Variants in UXS1 observed in about 807,000 individuals in gnomAD.
The protein encoded by UXS1 is UDP-glucuronic acid decarboxylase 1.
In UXS1, 33 loss-of-function variants were observed where a neutral mutation model predicts 62.6. The ratio of observed to expected loss-of-function variants is 0.53; its 90% CI spans 0.40 to 0.70. The LOEUF is 0.70. UXS1 is among the 30% of genes least tolerant of loss of function. UXS1 has a pLI of 0.00. For synonymous variants in UXS1, 213 were observed against 206.8 expected (o/e 1.03, Z -0.26); for missense variants, 434 against 556.3 (o/e 0.78, Z 2.21).
At chr2:106,183,817 T>C (rs1300252095) in intron 1 of UXS1, 1 of 152,206 alleles carries the variant, frequency 6.6e-6, no homozygotes, top group Admixed American at 6.5e-5. Context: ...GTATTTTCAT[T>C]TTACAAATGG....
intron 1 of UXS1, among the ~76,000 whole-genome samples, chr2:106,174,068 A>G (rs1488408430): frequency 1.8e-5 from 2 of 109,828 alleles, no homozygotes; most frequent in African/African-American, 7.1e-5. Context: ...GGAGAAGGAG[A>G]TTCTGGTGGA....
chr2:106,118,564 C>G (rs927437821), intron 9 of UXS1, among the ~76,000 whole-genome samples: 1 of 152,118 alleles, frequency 6.6e-6, no homozygotes, highest in African/African-American at 2.4e-5. Flanking sequence ...TTAATTCCTC[C>G]CTGGCAAGTT....
intron 7 of UXS1, among the ~76,000 whole-genome samples, chr2:106,127,854 CT>C (rs1680091929): frequency 6.6e-6 from 1 of 152,214 alleles, no homozygotes; most frequent in Non-Finnish European, 1.5e-5. Flanking sequence ...TCAGTCATAG[CT>C]CAAGCCCTAG....
intron 6 of UXS1, chr2:106,138,984 T>A (rs2104973061): frequency 1.8e-6 from 1 of 541,564 alleles, no homozygotes; most frequent in South Asian, 8.0e-5. Context: ...TAACCAGCAA[T>A]GAGAGGTGCT....
chr2:106,121,419 G>A (rs1324017066), intron 9 of UXS1, among the ~76,000 whole-genome samples: 1 of 152,146 alleles, frequency 6.6e-6, no homozygotes, highest in East Asian at 1.9e-4. Flanking sequence ...AATTCACTAG[G>A]TAAGAAATAC....
intron 4 of UXS1, among the ~76,000 whole-genome samples, chr2:106,158,884 T>G (rs1176600019): frequency 6.6e-6 from 1 of 152,170 alleles, no homozygotes; most frequent in Non-Finnish European, 1.5e-5. Flanking sequence ...TCTTTCAGAT[T>G]TAGCATTTTG....
intron 5 of UXS1, among the ~76,000 whole-genome samples, chr2:106,151,760 C>T (rs1281805136): frequency 6.6e-6 from 1 of 152,166 alleles, no homozygotes; most frequent in Non-Finnish European, 1.5e-5. Flanking sequence ...ATGCATATAC[C>T]TTTTTGATGC....
intron 9 of UXS1, among the ~76,000 whole-genome samples, chr2:106,118,505 C>T (rs1679247443): frequency 6.6e-6 from 1 of 152,074 alleles, no homozygotes; most frequent in Admixed American, 6.5e-5. Flanking sequence ...CGGGAGAGGC[C>T]CCCACATTTA....
chr2:106,143,896 C>T (rs1681351116), intron 6 of UXS1, among the ~76,000 whole-genome samples: 1 of 152,236 alleles, frequency 6.6e-6, no homozygotes, highest in Non-Finnish European at 1.5e-5. Flanking sequence ...CCCAGTCTCT[C>T]TACCTGACTC....
intron 1 of UXS1, among the ~76,000 whole-genome samples, chr2:106,187,214 T>G (rs2105124163): frequency 1.3e-5 from 2 of 152,238 alleles, no homozygotes; most frequent in South Asian, 4.2e-4. Flanking sequence ...TGTTGAAAAT[T>G]CACAATTTCC....
At chr2:106,174,913 C>G (rs1683786321) in intron 1 of UXS1, among the ~76,000 whole-genome samples, 1 of 152,216 alleles carries the variant, frequency 6.6e-6, no homozygotes, top group Non-Finnish European at 1.5e-5. Context: ...GCCTGCATGA[C>G]CTGTCAAGGG....
intron 9 of UXS1, among the ~76,000 whole-genome samples, chr2:106,113,678 A>G (rs528865984): frequency 6.6e-6 from 1 of 152,344 alleles, no homozygotes; most frequent in African/African-American, 2.4e-5. Context: ...ATACGTATCT[A>G]ATGTTTGATC....
chr2:106,147,196 C>T (rs114924352), intron 5 of UXS1, among the ~76,000 whole-genome samples: 3 of 151,982 alleles, frequency 2.0e-5, no homozygotes, highest in African/African-American at 4.8e-5. Flanking sequence ...CTTGGCCAAA[C>T]GGAACCCCAG....
At chr2:106,108,112 T>C (rs1678245372) in intron 10 of UXS1, among the ~76,000 whole-genome samples, 1 of 152,204 alleles carries the variant, frequency 6.6e-6, no homozygotes, top group African/African-American at 2.4e-5. Flanking sequence ...ACTTCCTTCC[T>C]CATGTCCTTA....
intron 4 of UXS1, among the ~76,000 whole-genome samples, chr2:106,158,962 A>G (rs758685518): frequency 2.6e-5 from 4 of 152,166 alleles, no homozygotes; most frequent in Non-Finnish European, 5.9e-5. Context: ...AGCTGCCTGA[A>G]GACAGTTTAG....
At chr2:106,183,628 G>A (rs78972985) in intron 1 of UXS1, 16,130 of 152,224 alleles carry the variant, frequency 0.11, 1,259 homozygotes, top group East Asian at 0.32. Flanking sequence ...CCCACTTGCT[G>A]GCCGTCACTG....
At chr2:106,115,377 T>A (rs1678978822) in intron 9 of UXS1, among the ~76,000 whole-genome samples, 1 of 152,102 alleles carries the variant, frequency 6.6e-6, no homozygotes, top group Non-Finnish European at 1.5e-5. Flanking sequence ...TGCCTGCGAG[T>A]GGTCAGGCCC....
chr2:106,186,974 T>C (rs1684597823), intron 1 of UXS1, among the ~76,000 whole-genome samples: 1 of 152,182 alleles, frequency 6.6e-6, no homozygotes, highest in African/African-American at 2.4e-5. Context: ...AATACCTTTA[T>C]TCTTAGGAGA....
intron 1 of UXS1, among the ~76,000 whole-genome samples, chr2:106,192,947 T>C (rs1458800790): frequency 6.6e-6 from 1 of 152,218 alleles, no homozygotes; most frequent in Non-Finnish European, 1.5e-5. Flanking sequence ...GTCTTTCCTC[T>C]TGGGTCTCAG....
Sources: gnomAD v4.1 joint callset for allele counts (sites outside exome capture counted in the v4.1 genomes callset) on GRCh38, gnomAD v4.1.1 for gene constraint, MANE v1.5 for transcripts, NCBI Gene and HGNC (gene_info 2026-07-23, HGNC 2026-07-21) for gene names.